ATP11A: variants seen among roughly 807,000 people sequenced by gnomAD.
The protein encoded by ATP11A is ATPase phospholipid transporting 11A, also known as phospholipid-transporting ATPase IH.
In ATP11A, 81 loss-of-function variants were observed where a neutral mutation model predicts 154.4. That is an observed-to-expected ratio of 0.52 (90% CI 0.44 to 0.63). The LOEUF (loss-of-function observed/expected upper bound fraction) is 0.63. ATP11A is among the 30% of genes least tolerant of loss of function. The pLI is 0.00. For synonymous variants in ATP11A, 623 were observed against 585.9 expected, an observed-to-expected ratio of 1.06 and a Z score of -0.91; for missense variants, 1,316 against 1,474.3, an observed-to-expected ratio of 0.89 and a Z score of 1.76.
chr13:112,702,755 G>A (rs1328780953), intron 1 of ATP11A, among the ~76,000 whole-genome samples: 1 of 152,256 alleles, frequency 6.6e-6, no homozygotes, highest in South Asian at 2.1e-4. Flanking sequence ...CCAGAGGCAT[G>A]GGTCTGAGGG....
At chr13:112,878,163 C>T in intron 28 of ATP11A, 54 bp from the exon 29 acceptor site, 1 of 1,541,522 alleles carries the variant, frequency 6.5e-7, no homozygotes, top group Non-Finnish European at 9.0e-7. Flanking sequence ...TGCCTAAATC[C>T]TCACACCTTG....
Position 112,808,370 on chromosome 13 carries a change from G to A in ATP11A, c.333+2077G>A, listed in dbSNP as rs116729614. Among the ~76,000 whole-genome samples, 725 of 152,150 alleles carry A rather than the reference G, an allele frequency of 4.8e-3. 8 individuals are homozygous for A. Among genetic ancestry groups the A allele is most frequent in the African/African-American group, 0.017 (693 of 41,512 alleles). Reference sequence around the variant, plus strand: ...TCACCAGCACCCCTGCCTCTGCCCAGAGGGGTCTCTTCCTCTCCCGCGCGT... The same window carrying A: ...TCACCAGCACCCCTGCCTCTGCCCAAAGGGGTCTCTTCCTCTCCCGCGCGT... On this transcript the variant is annotated intron_variant, in intron 4 of 29. Transcript: ENST00000375645.
rs1009894701 is a variant in ATP11A, at chr13:112,724,652, G to C, written c.39+34197G>C. Reference sequence around the variant, plus strand: ...TCCCCACAGGTCAGAGGTCAGGCTGGGGATGGAAGCTGCAGCCCTGTCCTG... The same window carrying C: ...TCCCCACAGGTCAGAGGTCAGGCTGCGGATGGAAGCTGCAGCCCTGTCCTG... On this transcript the variant is annotated intron_variant, in intron 1 of 29. Transcript: ENST00000375645. 1.9e-4 allele frequency among the ~76,000 whole-genome samples: 29 copies of C among 152,130 alleles called. 1 individual carries two copies. The highest frequency in any genetic ancestry group is 1.4e-3 in the Admixed American group (22 of 15,286).
chr13:112,775,927 C>T (rs1482736805), intron 1 of ATP11A, among the ~76,000 whole-genome samples: 1 of 152,222 alleles, frequency 6.6e-6, no homozygotes, highest in Non-Finnish European at 1.5e-5. Flanking sequence ...TCCCCTTCTC[C>T]CCTTGCCAGC....
intron 29 of ATP11A, chr13:112,878,551 C>A: frequency 3.5e-6 from 2 of 570,950 alleles, no homozygotes; most frequent in South Asian, 2.0e-5. Context: ...GCCTCAGAAC[C>A]CACCTGTGTG....
chr13:112,835,240 A>G (rs1226990620), intron 15 of ATP11A, among the ~76,000 whole-genome samples: 1 of 152,248 alleles, frequency 6.6e-6, no homozygotes, highest in African/African-American at 2.4e-5. Flanking sequence ...TAAGTGACCC[A>G]TCTTGAGATC....
intron 1 of ATP11A, among the ~76,000 whole-genome samples, chr13:112,712,035 C>T (rs1222641694): frequency 6.6e-6 from 1 of 152,202 alleles, no homozygotes; most frequent in Admixed American, 6.5e-5. Flanking sequence ...CAGCTGGCTG[C>T]AGTGTCAGGG....
chr13:112,871,694 T>C (rs887271567), intron 25 of ATP11A, 41 bp from the exon 26 acceptor site: 2 of 1,578,854 alleles, frequency 1.3e-6, no homozygotes, highest in African/African-American at 2.7e-5. Flanking sequence ...GAAAAAAAAA[T>C]ACATAAAAAC....
rs1566419181 is a variant in ATP11A at position 112,746,805 on chromosome 13, AC to A, written c.40-38329del. 6.6e-6 allele frequency: 1 copy of A among 151,346 alleles called. No homozygotes were observed. The highest frequency in any genetic ancestry group is 1.5e-5 in the Non-Finnish European group (1 of 67,918). The allele number at this position is 151,346 out of a possible 1,614,324, so 9.4% of individuals were successfully genotyped here. On this transcript the variant is annotated intron_variant, in intron 1 of 29. Transcript: ENST00000375645. This position sits in a 1 kb window ranked among gnomAD's most constrained non-coding sequence, Gnocchi z 4.1. ...GGTATTGAACTCAAGTGATCCTCCT[AC>A]GTTGACCTCCCTAAGTGCTGGGATT...
In ATP11A at chr13:112,751,798, C is replaced by T. The variant is rs989757921; in HGVS notation, c.40-33337C>T. 6.6e-5 allele frequency among the ~76,000 whole-genome samples: 10 copies of T among 151,922 alleles called. 1 individual carries two copies. Among genetic ancestry groups the T allele is most frequent in the African/African-American group, 1.2e-4 (5 of 41,340 alleles). On this transcript the variant is annotated intron_variant, in intron 1 of 29. Transcript: ENST00000375645. ...AGGCTGGAGTGCAGTGCTGTGATCC[C>T]GCGTCACTGCAGCCTGGTTCCAGTG...
intron 1 of ATP11A, among the ~76,000 whole-genome samples, chr13:112,714,081 G>GATGCCATGCCTCCCTTCCACTCTCCCC (rs1888135070): frequency 1.0e-4 from 2 of 19,152 alleles, no homozygotes; most frequent in African/African-American, 2.3e-4. Flanking sequence ...CCACTCCCCC[G>GATGCCATGCCTCCCTTCCACTCTCCCC]ACCCCTGGTC....
At chr13:112,774,011 C>G (rs1358306210) in intron 1 of ATP11A, among the ~76,000 whole-genome samples, 1 of 152,246 alleles carries the variant, frequency 6.6e-6, no homozygotes, top group Non-Finnish European at 1.5e-5. Flanking sequence ...TCCTCAAACA[C>G]AGTGCCCGCT....
chr13:112,877,279 C>T (rs976187650), intron 28 of ATP11A, among the ~76,000 whole-genome samples: 33 of 152,216 alleles, frequency 2.2e-4, no homozygotes, highest in African/African-American at 8.0e-4. Flanking sequence ...AGGGGAAACT[C>T]ACCGGCCCCA....
At chr13:112,729,261 G>A (rs183738231) in intron 1 of ATP11A, among the ~76,000 whole-genome samples, 3 of 152,324 alleles carry the variant, frequency 2.0e-5, no homozygotes, top group Non-Finnish European at 2.9e-5. Flanking sequence ...AGGCCACCTC[G>A]TTAACGATTG....
intron 1 of ATP11A, among the ~76,000 whole-genome samples, chr13:112,779,259 G>GGAGTAGCCGCTGGAGT (rs2077435741): frequency 6.9e-6 from 1 of 144,160 alleles, no homozygotes; most frequent in African/African-American, 2.6e-5. Context: ...GCTGGAGTGA[G>GGAGTAGCCGCTGGAGT]GAGTAGCCGC....
Position 112,819,399 on chromosome 13 carries a change from C to A in ATP11A, c.666C>A (p.Asp222Glu). The A allele has an allele frequency of 6.2e-7, 1 of 1,614,164 alleles. No individual in the cohort carries two copies. The highest frequency in any genetic ancestry group is 8.5e-7 in the Non-Finnish European group (1 of 1,180,012). The change falls in exon 7 of 30, where the codon GAC (aspartate) becomes GAA (glutamate). Residue 222 changes from aspartate to glutamate, a missense_variant. Coordinates refer to ENST00000375645, the MANE Select transcript of ATP11A (RefSeq NM_015205.3). ...ATIECEQPQP[D>E]LYKFVGRINV... ...TCGAGTGTGAGCAGCCCCAGCCCGA[C>A]CTCTACAAGTAAGCGGGAGCTTTGG...
chr13:112,793,549 G>A (rs528117428), intron 2 of ATP11A, among the ~76,000 whole-genome samples: 18 of 152,242 alleles, frequency 1.2e-4, no homozygotes, highest in Admixed American at 5.9e-4. Flanking sequence ...CGAATTTCCG[G>A]CATCAGCAAT....
intron 1 of ATP11A, among the ~76,000 whole-genome samples, chr13:112,766,803 G>GCCT (rs747528913): frequency 0.84 from 57,128 of 68,244 alleles, 24,106 homozygotes; most frequent in Middle Eastern, 0.98. Context: ...TGGGGGCGTT[G>GCCT]GGGGCCACTG....
At chr13:112,868,227 C>T (rs897283499) in intron 25 of ATP11A, among the ~76,000 whole-genome samples, 6 of 152,186 alleles carry the variant, frequency 3.9e-5, no homozygotes, top group Admixed American at 2.0e-4. Context: ...GAGCGGTCCG[C>T]GTATGGGCCA....
Sources: gnomAD v4.1 joint callset for allele counts (sites outside exome capture counted in the v4.1 genomes callset) on GRCh38, gnomAD v4.1.1 for gene constraint, Gnocchi (gnomAD v3.1) non-coding constraint, MANE v1.5 for transcripts, NCBI Gene and HGNC (gene_info 2026-07-23, HGNC 2026-07-21) for gene names.